TENM2: variants seen among roughly 807,000 people sequenced by gnomAD.
TENM2 encodes the protein teneurin-2.
Under a neutral mutation model 245.2 loss-of-function variants are expected in TENM2, and 52 were observed. The ratio of observed to expected loss-of-function variants is 0.21; its 90% confidence interval spans 0.17 to 0.27. The LOEUF is 0.27. Ranked by LOEUF, TENM2 falls within the 10% of genes least tolerant of loss-of-function variation. The probability of loss-of-function intolerance (pLI) is 1.00; values close to 1 mark genes in which losing one functional copy is unlikely to be tolerated. For missense variants in TENM2, 3,046 were observed against 3,666.8 expected (o/e 0.83, Z 4.37); for synonymous variants, 1,363 against 1,438.9 (o/e 0.95, Z 1.19).
At chr5:167,987,999 A>G (rs1026829517) in intron 4 of TENM2, among the ~76,000 whole-genome samples, 2 of 152,162 alleles carry the variant, frequency 1.3e-5, no homozygotes, top group Non-Finnish European at 2.9e-5. Flanking sequence ...TTCAGCTGCA[A>G]TCATCACAGA....
At chr5:168,228,838 A>G (rs1332462667) in intron 25 of TENM2, among the ~76,000 whole-genome samples, 4 of 149,412 alleles carry the variant, frequency 2.7e-5, no homozygotes, top group Non-Finnish European at 4.4e-5. Flanking sequence ...TTTAAAACCA[A>G]TATATAACAT....
intron 3 of TENM2, among the ~76,000 whole-genome samples, chr5:167,935,344 C>T (rs1028881609): frequency 6.6e-6 from 1 of 152,132 alleles, no homozygotes; most frequent in Non-Finnish European, 1.5e-5. Flanking sequence ...AGTTCCCAGC[C>T]CCATCATTTA....
chr5:166,993,475 G>C, the TENM2 span, among the ~76,000 whole-genome samples: 3 of 152,148 alleles, frequency 2.0e-5, no homozygotes, highest in African/African-American at 7.2e-5. Flanking sequence ...AACAATTCTA[G>C]AGCCAGGACC....
At position 168,218,284 on chromosome 5, in the gene TENM2, C is replaced by G. The variant is rs747569191; in HGVS notation, c.4393C>G (p.Leu1465Val). The G allele has an allele frequency of 2.3e-5, 37 of 1,613,890 alleles. No homozygotes were observed. In the East Asian group the frequency reaches 8.2e-4, roughly 36 times the overall value. ...CCAAGTTCCTGGCATTGACTACTCA[C>G]TCAGCAAACTAGCCATTCACTCTGC... The change falls in exon 23 of 29, where the codon CTC becomes GTC. Residue 1465 changes from leucine to valine, a missense_variant. Physicochemically the swap from Leu to Val is conservative, Grantham distance 32 (BLOSUM62 1). Around this residue, in one of 2 missense-constraint regions of TENM2, gnomAD observed 2,704 missense variants for 3,331.9 expected, o/e 0.81. Transcript: ENST00000518659. The surrounding 1 kb of genome is among the most constrained non-coding windows in gnomAD (Gnocchi z 5.2).
intron 13 of TENM2, among the ~76,000 whole-genome samples, chr5:168,188,453 A>G (rs1760668928): frequency 6.6e-6 from 1 of 152,216 alleles, no homozygotes; most frequent in South Asian, 2.1e-4. Context: ...TCTTATCAGA[A>G]ATTCCAAGGA....
At chr5:167,995,085 C>T (rs1329251998) in intron 5 of TENM2, among the ~76,000 whole-genome samples, 1 of 152,140 alleles carries the variant, frequency 6.6e-6, no homozygotes, top group Non-Finnish European at 1.5e-5. Flanking sequence ...GGCCAGTGAG[C>T]ACCACGGGGA....
chr5:167,198,975 A>G, the TENM2 span, among the ~76,000 whole-genome samples: 1 of 151,996 alleles, frequency 6.6e-6, no homozygotes, highest in Non-Finnish European at 1.5e-5. Context: ...GATTTAAAAC[A>G]AAGAGCCAGT....
intron 3 of TENM2, among the ~76,000 whole-genome samples, chr5:167,882,318 C>T (rs1773943787): frequency 1.3e-5 from 2 of 152,214 alleles, no homozygotes; most frequent in Admixed American, 6.5e-5. Context: ...AGGAACTCTG[C>T]ATTTACCATT....
At chr5:167,975,490 T>C (rs1782370682) in intron 4 of TENM2, among the ~76,000 whole-genome samples, 1 of 152,086 alleles carries the variant, frequency 6.6e-6, no homozygotes, top group African/African-American at 2.4e-5. Flanking sequence ...ATAGATCTGT[T>C]TTGTGCATTG....
At chr5:167,137,378 C>G in the TENM2 span, among the ~76,000 whole-genome samples, 1 of 152,022 alleles carries the variant, frequency 6.6e-6, no homozygotes, top group Non-Finnish European at 1.5e-5. Flanking sequence ...AATTTTATAT[C>G]AGCACTGCAT....
intron 2 of TENM2, among the ~76,000 whole-genome samples, chr5:167,626,468 T>A (rs1778508283): frequency 6.6e-6 from 1 of 152,202 alleles, no homozygotes; most frequent in African/African-American, 2.4e-5. Flanking sequence ...TGGTCGTTTT[T>A]AAAAAGAAAG....
At chr5:167,622,784 T>G (rs1188597394) in intron 2 of TENM2, among the ~76,000 whole-genome samples, 1 of 152,154 alleles carries the variant, frequency 6.6e-6, no homozygotes, top group African/African-American at 2.4e-5. Flanking sequence ...GTGTGCATAT[T>G]GGAATTCAAA....
intron 1 of TENM2, among the ~76,000 whole-genome samples, chr5:167,373,467 TCATAG>T (rs1760561470): frequency 6.6e-6 from 1 of 152,214 alleles, no homozygotes; most frequent in African/African-American, 2.4e-5. Flanking sequence ...TTTTCTCCAC[TCATAG>T]CAGAGAAGTA....
intron 9 of TENM2, among the ~76,000 whole-genome samples, chr5:168,101,730 G>A (rs1793830503): frequency 6.6e-6 from 1 of 152,180 alleles, no homozygotes. Flanking sequence ...GGACAAAATT[G>A]AAGTGTTTAA....
chr5:168,171,461 C>T (rs531282170), intron 13 of TENM2, among the ~76,000 whole-genome samples: 8 of 152,130 alleles, frequency 5.3e-5, no homozygotes, highest in Non-Finnish European at 1.0e-4. Context: ...AAGATTCAAA[C>T]AAGTACAGAA....
chr5:167,373,919 T>A (rs1330544310), intron 1 of TENM2, among the ~76,000 whole-genome samples: 1 of 152,204 alleles, frequency 6.6e-6, no homozygotes, highest in African/African-American at 2.4e-5. Context: ...GACAACGTGT[T>A]CAATAAAAAC....
At chr5:167,445,355 A>AGG in intron 2 of TENM2, among the ~76,000 whole-genome samples, 1 of 135,210 alleles carries the variant, frequency 7.4e-6, no homozygotes, top group Admixed American at 7.6e-5. Flanking sequence ...AGAGAGAGAG[A>AGG]GAGAGAGAGA....
chr5:167,428,331 TTTAG>T (rs1764004575), intron 2 of TENM2, among the ~76,000 whole-genome samples: 1 of 152,154 alleles, frequency 6.6e-6, no homozygotes, highest in Non-Finnish European at 1.5e-5. Context: ...ACAACCAAAT[TTTAG>T]TTAGGTAAAT....
At chr5:168,030,018 G>C (rs529904317) in intron 5 of TENM2, among the ~76,000 whole-genome samples, 3 of 152,172 alleles carry the variant, frequency 2.0e-5, no homozygotes, top group East Asian at 1.9e-4. Context: ...AGTTTGGAGG[G>C]GGGCACTGAG....
Sources: allele counts gnomAD v4.1 joint callset (sites outside exome capture counted in the v4.1 genomes callset), GRCh38; gene constraint gnomAD v4.1.1; regional missense constraint gnomAD v4.1.1; non-coding constraint Gnocchi (gnomAD v3.1); transcripts MANE v1.5; gene names NCBI Gene and HGNC (gene_info 2026-07-23, HGNC 2026-07-21).